The following FAM20A variants were observed in gnomAD, a reference collection of about 807,000 sequenced individuals.
The protein encoded by FAM20A is FAM20A golgi associated secretory pathway pseudokinase, also known as pseudokinase FAM20A.
Under a neutral mutation model 52.0 loss-of-function variants are expected in FAM20A, and 42 were observed. The observed-to-expected ratio is 0.81, with a 90% CI of 0.63 to 1.04. The LOEUF (loss-of-function observed/expected upper bound fraction) is 1.04. Ranked by LOEUF, FAM20A falls within the 50% of genes least tolerant of loss-of-function variation. The pLI, the probability that FAM20A is intolerant of heterozygous loss-of-function variation, is 0.00. For missense variants in FAM20A, 742 were observed against 712.7 expected, an observed-to-expected ratio of 1.04 and a Z score of -0.47; for synonymous variants, 304 against 298.9, an observed-to-expected ratio of 1.02 and a Z score of -0.18.
intron 1 of FAM20A, among the ~76,000 whole-genome samples, chr17:68,556,596 T>G (rs2087057823): frequency 2.0e-5 from 3 of 151,518 alleles, no homozygotes; most frequent in African/African-American, 2.4e-5. Flanking sequence ...TGGTTTGGCT[T>G]GAAGGGGACA....
chr17:68,551,868 C>T lies in FAM20A; in HGVS notation c.719+5G>A. 1 of 1,573,654 alleles carries T rather than the reference C, an allele frequency of 6.4e-7. No homozygotes were observed. Among genetic ancestry groups the T allele is most frequent in the Non-Finnish European group, 8.6e-7 (1 of 1,157,192 alleles). On this transcript the variant is annotated splice_donor_5th_base_variant and intron_variant, in intron 4 of 10. Coordinates refer to ENST00000592554, the MANE Select transcript of FAM20A (RefSeq NM_017565.4). ...GGTGTGGAAAGGAGGAAGGCAGTCA[C>T]TTACCTCATGGGTTTGAACATGGCC...
In FAM20A at chr17:68,557,756, A is replaced by G. The variant is rs183364526; in HGVS notation, c.405-2013T>C. ...GTGATTGCCCAGTGCAGAGGAGAAT[A>G]CGGTAATCACCACCCCCATTCATGG... On this transcript the variant is annotated intron_variant, in intron 1 of 10. Transcript: ENST00000592554. Among the ~76,000 whole-genome samples the G allele has an allele frequency of 4.0e-3, 602 of 152,326 alleles. 6 individuals carry two copies. The highest frequency in any genetic ancestry group is 0.014 in the African/African-American group (585 of 41,578).
Position 68,539,133 on chromosome 17 carries a change from T to C in FAM20A, c.1361+204A>G, listed in dbSNP as rs561688636. On this transcript the variant is annotated intron_variant, in intron 10 of 10. Coordinates refer to ENST00000592554, the MANE Select transcript of FAM20A (RefSeq NM_017565.4). ...TAAAAATACCATATTATTAATCTTA[T>C]GAGACCACCGTCATATATGCAGTCT... Among the ~76,000 whole-genome samples, 11 of 152,304 alleles carry C rather than the reference T, an allele frequency of 7.2e-5. No homozygotes were observed. The East Asian group carries it at 1.9e-3, about 27-fold the overall frequency.
intron 1 of FAM20A, among the ~76,000 whole-genome samples, chr17:68,585,902 C>G (rs1371331658): frequency 6.6e-6 from 1 of 152,200 alleles, no homozygotes; most frequent in Non-Finnish European, 1.5e-5. Context: ...ATACAGTGTC[C>G]TCTCTTGGAG....
chr17:68,590,974 G>A (rs2088288281), intron 1 of FAM20A, among the ~76,000 whole-genome samples: 1 of 152,198 alleles, frequency 6.6e-6, no homozygotes, highest in African/African-American at 2.4e-5. Context: ...TTGGAAATCA[G>A]AGAAACCTTC....
intron 7 of FAM20A, chr17:68,541,513 T>G: frequency 5.4e-6 from 1 of 186,802 alleles, no homozygotes. Flanking sequence ...ATCGATTCAC[T>G]CAGTCAGCTA....
chr17:68,536,020 C>A lies in FAM20A; in HGVS notation c.*1457G>T. The A allele has an allele frequency of 4.4e-6, 2 of 454,106 alleles. No individual in the cohort carries two copies. Among genetic ancestry groups the A allele is most frequent in the Non-Finnish European group, 8.8e-6 (2 of 226,794 alleles). The allele number at this position is 454,106 out of a possible 1,614,324, so 28.1% of individuals were successfully genotyped here. The stretch of plus-strand genomic sequence containing the variant: ...AGGATTGGAAACCTGTGTGTTGCTT[C>A]TGTAGCGTTGGTGAGTGCCTCACCT... On this transcript the variant is annotated 3_prime_UTR_variant, in exon 11 of 11. Transcript: ENST00000592554.
At chr17:68,594,607 G>GA (rs1485227306) in intron 1 of FAM20A, among the ~76,000 whole-genome samples, 2 of 151,990 alleles carry the variant, frequency 1.3e-5, no homozygotes, top group East Asian at 3.9e-4. Flanking sequence ...AGGTTCTGGG[G>GA]AAAAAAATCT....
chr17:68,565,394 T>C (rs1289695644), intron 1 of FAM20A, among the ~76,000 whole-genome samples: 3 of 116,006 alleles, frequency 2.6e-5, no homozygotes, highest in African/African-American at 4.3e-5. Context: ...TTTTTTTTTT[T>C]TTTTTTTTTT....
chr17:68,552,041 G>T, intron 3 of FAM20A, 90 bp from the exon 4 acceptor site: 1 of 815,712 alleles, frequency 1.2e-6, no homozygotes, highest in Non-Finnish European at 2.1e-6. Flanking sequence ...AGCTGACTTC[G>T]CTTTCCTCTT....
At chr17:68,584,441 C>T (rs2088110380) in intron 1 of FAM20A, among the ~76,000 whole-genome samples, 2 of 152,182 alleles carry the variant, frequency 1.3e-5, no homozygotes, top group Admixed American at 6.5e-5. Flanking sequence ...GTGTTAAGAG[C>T]CCAGCTGAAA....
At position 68,601,262 on chromosome 17, in the gene FAM20A, C is replaced by G. The variant is rs946429464; in HGVS notation, c.-596G>C. 1.3e-5 allele frequency: 2 copies of G among 152,210 alleles called. No individual in the cohort carries two copies. The highest frequency in any genetic ancestry group is 4.8e-5 in the African/African-American group (2 of 41,460). The allele number at this position is 152,210 out of a possible 1,614,324, so 9.4% of individuals were successfully genotyped here. On this transcript the variant is annotated 5_prime_UTR_variant, in exon 1 of 11. Coordinates refer to ENST00000592554, the MANE Select transcript of FAM20A (RefSeq NM_017565.4). ...CGGGGAGCTTGTCTGTGCGCCTGGACTCCTAGAGGCAGAGGTAGCGCGGGG... is the reference window on the plus strand; with the variant it reads ...CGGGGAGCTTGTCTGTGCGCCTGGAGTCCTAGAGGCAGAGGTAGCGCGGGG...
chr17:68,546,298 C>T (rs1460414871), intron 4 of FAM20A, among the ~76,000 whole-genome samples: 5 of 151,864 alleles, frequency 3.3e-5, no homozygotes, highest in African/African-American at 1.2e-4. Context: ...TCCACATCTG[C>T]AGTTACCTTC....
chr17:68,552,665 C>CTTTTTTTTTTTTTTTTTTTTTTTT (rs1568739140), intron 3 of FAM20A, among the ~76,000 whole-genome samples: 1 of 109,970 alleles, frequency 9.1e-6, no homozygotes, highest in African/African-American at 3.2e-5. Flanking sequence ...CCTTTATTTT[C>CTTTTTTTTTTTTTTTTTTTTTTTT]CTTTTTTTTT....
rs779155000 is a variant in FAM20A at position 68,600,406 on chromosome 17, C to G, written c.261G>C (p.Gly87=). Residue 87 remains glycine (G), a synonymous_variant, in exon 1 of 11, where the codon GGG becomes GGC. Coordinates refer to ENST00000592554, the MANE Select transcript of FAM20A (RefSeq NM_017565.4). The surrounding 1 kb of genome is among the most constrained non-coding windows in gnomAD (Gnocchi z 6.2). ...AGAGGGCCTGCAACTTGGAGCTCGA[C>G]CCGCTGTGGCTGCCGCCAGCCGGTT... ...RTEPAGGSHS[G]SSSKLQALFA... 6.2e-7 allele frequency: 1 copy of G among 1,609,670 alleles called. No individual in the cohort carries two copies. Among genetic ancestry groups the G allele is most frequent in the African/African-American group, 1.3e-5 (1 of 74,868 alleles).
chr17:68,541,936 C>T, intron 7 of FAM20A, 49 bp downstream of exon 7: 18 of 1,580,922 alleles, frequency 1.1e-5, no homozygotes, highest in Non-Finnish European at 1.5e-5. Flanking sequence ...GGTACAGGGT[C>T]TGTGGCTACT....
At chr17:68,546,796 C>G (rs900586588) in intron 4 of FAM20A, among the ~76,000 whole-genome samples, 17 of 144,140 alleles carry the variant, frequency 1.2e-4, no homozygotes, top group African/African-American at 4.4e-4. Context: ...AGCCACTGGA[C>G]TCCAGCCTGG....
At chr17:68,556,439 C>T (rs2087050714) in intron 1 of FAM20A, among the ~76,000 whole-genome samples, 1 of 152,104 alleles carries the variant, frequency 6.6e-6, no homozygotes, top group Non-Finnish European at 1.5e-5. Context: ...TGTTATAAAT[C>T]AACTGCTAAA....
intron 1 of FAM20A, among the ~76,000 whole-genome samples, chr17:68,562,618 C>CCG (rs2087248061): frequency 6.6e-6 from 1 of 151,952 alleles, no homozygotes; most frequent in African/African-American, 2.4e-5. Context: ...CCATCCCCCC[C>CCG]CCTTTTTATT....
Sources: allele counts gnomAD v4.1 joint callset (sites outside exome capture counted in the v4.1 genomes callset), GRCh38; gene constraint gnomAD v4.1.1; non-coding constraint Gnocchi (gnomAD v3.1); transcripts MANE v1.5; gene names NCBI Gene and HGNC (gene_info 2026-07-23, HGNC 2026-07-21).